Variants in ADCY2 observed in about 807,000 individuals in gnomAD.
ADCY2 encodes the protein adenylate cyclase 2, also known as adenylate cyclase type 2.
ADCY2 carries 31 observed loss-of-function variants against 125.2 expected under a neutral mutation model. That is an observed-to-expected ratio of 0.25 (90% CI 0.19 to 0.33). The LOEUF (loss-of-function observed/expected upper bound fraction) is 0.33. ADCY2 is among the 10% of genes least tolerant of loss of function. The pLI is 1.00. For missense variants in ADCY2, 904 were observed against 1,418.2 expected (o/e 0.64, Z 5.82); for synonymous variants, 512 against 548.4 (o/e 0.93, Z 0.93).
Position 7,789,791 on chromosome 5 carries a change from G to A in ADCY2, c.2619G>A (p.Leu873=). 1 of 1,293,366 alleles carries A rather than the reference G, an allele frequency of 7.7e-7. No individual in the cohort carries two copies. The highest frequency in any genetic ancestry group is 1.0e-6 in the Non-Finnish European group (1 of 961,816). The allele number at this position is 1,293,366 out of a possible 1,614,324, so 80.1% of individuals were successfully genotyped here. A position where few individuals can be genotyped will look rare whatever the true frequency, so the allele number is the denominator to read the frequency against. ...CTGAGCACTTCCTGGCCAGGAGCCT[G>A]AAGAATGAGGTCAGACCAGGGGGGC... ...HVAEHFLARS[L]KNEELYHQSY... The change falls in exon 20 of 25, where the codon CTG becomes CTA. Residue 873 remains leucine (L), a synonymous_variant. Transcript: ENST00000338316.
chr5:7,474,148 C>G (rs1461697808), intron 2 of ADCY2, among the ~76,000 whole-genome samples: 1 of 152,200 alleles, frequency 6.6e-6, no homozygotes, highest in African/African-American at 2.4e-5. Context: ...GAGCAATGCT[C>G]TTTACAGGTA....
chr5:7,659,866 A>G (rs1739464542), intron 4 of ADCY2, among the ~76,000 whole-genome samples: 1 of 152,220 alleles, frequency 6.6e-6, no homozygotes, highest in Admixed American at 6.5e-5. Context: ...GGTGTGCCTA[A>G]TAAATTGGCT....
intron 3 of ADCY2, among the ~76,000 whole-genome samples, chr5:7,565,998 C>T (rs73048116): frequency 0.028 from 4,274 of 152,286 alleles, 188 homozygotes; most frequent in African/African-American, 0.097. Context: ...GTATATCTAG[C>T]CTTATGTTCA....
intron 9 of ADCY2, chr5:7,708,121 G>A: frequency 3.9e-6 from 1 of 257,062 alleles, no homozygotes; most frequent in East Asian, 7.8e-5. Flanking sequence ...CTTGGTGGAT[G>A]CTGCATCTGA....
chr5:7,689,570 C>T lies in ADCY2; in HGVS notation c.721-1121C>T, dbSNP rs572310749. Among the ~76,000 whole-genome samples, 153 of 152,216 alleles carry T rather than the reference C, an allele frequency of 1.0e-3. 1 individual carries two copies. Among genetic ancestry groups the T allele is most frequent in the African/African-American group, 3.5e-3 (147 of 41,526 alleles). ...AAGGATCATCAGAATGTACTCCTAACCCACCCTCAGCTCTCTCAGCAGAAG... is the reference window on the plus strand; with the variant it reads ...AAGGATCATCAGAATGTACTCCTAATCCACCCTCAGCTCTCTCAGCAGAAG... On this transcript the variant is annotated intron_variant, in intron 4 of 24. Transcript: ENST00000338316.
intron 24 of ADCY2, among the ~76,000 whole-genome samples, chr5:7,824,716 G>C (rs1275566254): frequency 6.6e-6 from 1 of 152,200 alleles, no homozygotes; most frequent in African/African-American, 2.4e-5. Flanking sequence ...CCTTGTGCTA[G>C]GGGCTGTCCT....
rs549596221 is a variant in ADCY2 at position 7,469,444 on chromosome 5, C to T, written c.409-51294C>T. Reference sequence around the variant, plus strand: ...CATAACGTAACAGTCCTTTATTGTGCATCACCTGACTAACTTCCAGTCTTT... The same window carrying T: ...CATAACGTAACAGTCCTTTATTGTGTATCACCTGACTAACTTCCAGTCTTT... On this transcript the variant is annotated intron_variant, in intron 2 of 24. Coordinates refer to ENST00000338316, the MANE Select transcript of ADCY2 (RefSeq NM_020546.3). Among the ~76,000 whole-genome samples the T allele has an allele frequency of 7.9e-5, 12 of 151,974 alleles. No homozygotes were observed. The South Asian group carries it at 2.5e-3, about 32-fold the overall frequency.
In ADCY2 at chr5:7,723,730, G is replaced by C. The variant is rs1286849896; in HGVS notation, c.1704-815G>C. 2.6e-5 allele frequency among the ~76,000 whole-genome samples: 4 copies of C among 152,018 alleles called. No homozygotes were observed. The East Asian group carries it at 5.8e-4, about 22-fold the overall frequency. Reference sequence around the variant, plus strand: ...GAGGTTGGGAGTTCACGACCAGCCTGGCCAACGTGGTGAAACCCCACCTCT... The same window carrying C: ...GAGGTTGGGAGTTCACGACCAGCCTCGCCAACGTGGTGAAACCCCACCTCT... On this transcript the variant is annotated intron_variant, in intron 12 of 24. Coordinates refer to ENST00000338316, the MANE Select transcript of ADCY2 (RefSeq NM_020546.3).
In ADCY2 at chr5:7,742,519, C is replaced by T. The variant is rs74806092; in HGVS notation, c.1872-1149C>T. Among the ~76,000 whole-genome samples the T allele has an allele frequency of 3.7e-3, 567 of 152,214 alleles. 1 individual carries two copies. Among genetic ancestry groups the T allele is most frequent in the African/African-American group, 0.013 (530 of 41,538 alleles). On this transcript the variant is annotated intron_variant, in intron 14 of 24. Coordinates refer to ENST00000338316, the MANE Select transcript of ADCY2 (RefSeq NM_020546.3). ...CGAAAGTCATTGATTGGGTCAGGTCCAATTGTTGGTTTGAACTCAAGTTTT... is the reference window on the plus strand; with the variant it reads ...CGAAAGTCATTGATTGGGTCAGGTCTAATTGTTGGTTTGAACTCAAGTTTT...
At chr5:7,655,642 C>T (rs1739296055) in intron 4 of ADCY2, among the ~76,000 whole-genome samples, 1 of 152,224 alleles carries the variant, frequency 6.6e-6, no homozygotes, top group Non-Finnish European at 1.5e-5. Context: ...TTGCCAGTCT[C>T]ATCTGCAGAC....
intron 20 of ADCY2, chr5:7,799,436 CT>C (rs1744525364): frequency 6.6e-6 from 1 of 152,278 alleles, no homozygotes; most frequent in African/African-American, 2.4e-5. Context: ...TAGTTATAGT[CT>C]TATGGAAGCC....
At chr5:7,824,583 G>A (rs907247386) in intron 24 of ADCY2, among the ~76,000 whole-genome samples, 5 of 152,076 alleles carry the variant, frequency 3.3e-5, no homozygotes, top group South Asian at 2.1e-4. Context: ...AAGCACTCCC[G>A]GGGCTCCTGC....
At chr5:7,504,777 G>A (rs1352095129) in intron 2 of ADCY2, among the ~76,000 whole-genome samples, 2 of 150,958 alleles carry the variant, frequency 1.3e-5, no homozygotes, top group African/African-American at 4.9e-5. Flanking sequence ...TCAAAGTGCT[G>A]GGACTACATG....
chr5:7,583,789 A>C (rs1736513498), intron 3 of ADCY2, among the ~76,000 whole-genome samples: 1 of 152,170 alleles, frequency 6.6e-6, no homozygotes, highest in South Asian at 2.1e-4. Flanking sequence ...GTGACCACAT[A>C]TGCTTGATTT....
intron 2 of ADCY2, among the ~76,000 whole-genome samples, chr5:7,499,664 T>TATATATATAC (rs1561059037): frequency 2.5e-5 from 3 of 120,022 alleles, no homozygotes; most frequent in Non-Finnish European, 6.0e-5. Context: ...TATATATATA[T>TATATATATAC]ATATATATAT....
At chr5:7,729,207 TA>T (rs988787968) in intron 14 of ADCY2, among the ~76,000 whole-genome samples, 2 of 152,028 alleles carry the variant, frequency 1.3e-5, no homozygotes, top group East Asian at 1.9e-4. Context: ...TCTTTTTCTT[TA>T]AAAAAAATCT....
intron 4 of ADCY2, among the ~76,000 whole-genome samples, chr5:7,665,107 A>G (rs144890380): frequency 1.3e-5 from 2 of 152,210 alleles, no homozygotes; most frequent in East Asian, 3.9e-4. Context: ...CCCAACCACC[A>G]TGGACACATG....
At chr5:7,418,195 C>T (rs143015419) in intron 2 of ADCY2, among the ~76,000 whole-genome samples, 54 of 152,234 alleles carry the variant, frequency 3.5e-4, no homozygotes, top group African/African-American at 8.9e-4. Context: ...ATCTTGAATT[C>T]GAATATATTC....
chr5:7,584,858 G>A (rs1003900372), intron 3 of ADCY2, among the ~76,000 whole-genome samples: 1 of 152,110 alleles, frequency 6.6e-6, no homozygotes, highest in African/African-American at 2.4e-5. Context: ...TGCGTGAAAT[G>A]AATTAGAACT....
Sources: allele counts gnomAD v4.1 joint callset (sites outside exome capture counted in the v4.1 genomes callset), GRCh38; gene constraint gnomAD v4.1.1; transcripts MANE v1.5; gene names NCBI Gene and HGNC (gene_info 2026-07-23, HGNC 2026-07-21).